ZBTB20: variants seen among roughly 807,000 people sequenced by gnomAD.
ZBTB20 encodes zinc finger and BTB domain-containing protein 20.
In ZBTB20, 9 loss-of-function variants were observed where a neutral mutation model predicts 56.9. That is an observed-to-expected ratio of 0.16 (90% CI 0.10 to 0.28). The LOEUF (loss-of-function observed/expected upper bound fraction) is 0.28, where lower values mean the gene tolerates loss of function less well. ZBTB20 is among the 10% of genes least tolerant of loss of function. The pLI, the probability that ZBTB20 is intolerant of heterozygous loss-of-function variation, is 1.00. For missense variants in ZBTB20, 655 were observed against 1,003.0 expected, an observed-to-expected ratio of 0.65 and a Z score of 4.69; for synonymous variants, 417 against 420.7, an observed-to-expected ratio of 0.99 and a Z score of 0.11.
intron 3 of ZBTB20, among the ~76,000 whole-genome samples, chr3:114,957,280 T>C (rs1330191244): frequency 1.3e-5 from 2 of 152,156 alleles, no homozygotes; most frequent in Admixed American, 6.5e-5. Context: ...GAAATTAAGA[T>C]AGTGGGCTGT....
intron 10 of ZBTB20, among the ~76,000 whole-genome samples, chr3:114,354,696 C>T (rs867667408): frequency 7.2e-5 from 11 of 151,754 alleles, no homozygotes; most frequent in African/African-American, 2.7e-4. Context: ...ATTCTTGTGC[C>T]TCAGCCTCTC....
chr3:114,342,769 T>G (rs1157044521), intron 11 of ZBTB20, among the ~76,000 whole-genome samples: 1 of 152,222 alleles, frequency 6.6e-6, no homozygotes, highest in Non-Finnish European at 1.5e-5. Context: ...CATATGGAAG[T>G]CAATCCTGAA....
intron 9 of ZBTB20, 138 bp downstream of exon 9, chr3:114,380,639 G>C: frequency 7.7e-7 from 1 of 1,297,386 alleles, no homozygotes; most frequent in Non-Finnish European, 1.0e-6. Context: ...TTTGGACTCT[G>C]TTGGCTGCAT....
intron 5 of ZBTB20, among the ~76,000 whole-genome samples, chr3:114,731,301 G>A (rs957611016): frequency 2.0e-5 from 3 of 152,032 alleles, no homozygotes; most frequent in Non-Finnish European, 4.4e-5. Flanking sequence ...CTTGTACTGG[G>A]TTGGAAAGTC....
intron 3 of ZBTB20, among the ~76,000 whole-genome samples, chr3:114,909,265 T>G (rs1325106906): frequency 6.6e-6 from 1 of 151,742 alleles, no homozygotes; most frequent in East Asian, 1.9e-4. Flanking sequence ...TAGCAAAGTT[T>G]AAAAAGTTAA....
chr3:114,711,802 G>A (rs1290534906), intron 5 of ZBTB20, among the ~76,000 whole-genome samples: 1 of 152,196 alleles, frequency 6.6e-6, no homozygotes, highest in African/African-American at 2.4e-5. Flanking sequence ...AGAGAGTAGA[G>A]CTTCAATAAA....
At chr3:114,806,641 T>C (rs1410739446) in intron 4 of ZBTB20, among the ~76,000 whole-genome samples, 3 of 151,978 alleles carry the variant, frequency 2.0e-5, no homozygotes, top group Non-Finnish European at 4.4e-5. Flanking sequence ...TGAATCAAGC[T>C]TTTGGTGTGA....
chr3:114,339,554 T>C lies in ZBTB20; in HGVS notation c.1805-128A>G. On this transcript the variant is annotated intron_variant, in intron 11 of 11. Coordinates refer to ENST00000675478, the MANE Select transcript of ZBTB20 (RefSeq NM_001348800.3). The surrounding 1 kb of genome is among the most constrained non-coding windows in gnomAD (Gnocchi z 4.2). ...CAATTAAAAAATAAAATTTGATTGC[T>C]TAATGGATCATCCTCGTTTGGAAAA... is the stretch of plus-strand genomic sequence containing the variant. The C allele has an allele frequency of 8.7e-7, 1 of 1,151,208 alleles. No individual in the cohort carries two copies. Among genetic ancestry groups the C allele is most frequent in the East Asian group, 2.6e-5 (1 of 38,714 alleles). 71.3% of individuals were successfully genotyped at this position (1,151,208 alleles called of 1,614,324 possible).
At chr3:114,667,340 A>C (rs989469734) in intron 6 of ZBTB20, among the ~76,000 whole-genome samples, 2 of 152,094 alleles carry the variant, frequency 1.3e-5, no homozygotes, top group African/African-American at 4.8e-5. Context: ...AAGTGTTATT[A>C]GACTTAAAGA....
intron 5 of ZBTB20, among the ~76,000 whole-genome samples, chr3:114,768,490 G>A (rs1226542969): frequency 6.6e-6 from 1 of 151,950 alleles, no homozygotes; most frequent in East Asian, 1.9e-4. Context: ...ATTGTGATTA[G>A]CAACTCATCA....
At chr3:114,766,169 G>T (rs981798088) in intron 5 of ZBTB20, among the ~76,000 whole-genome samples, 3 of 152,058 alleles carry the variant, frequency 2.0e-5, no homozygotes, top group Non-Finnish European at 4.4e-5. Context: ...TAAGTATGAA[G>T]AATGGAGAAA....
chr3:114,769,578 T>G (rs2069042179), intron 5 of ZBTB20, among the ~76,000 whole-genome samples: 1 of 142,038 alleles, frequency 7.0e-6, no homozygotes, highest in Non-Finnish European at 1.5e-5. Context: ...TATATATATA[T>G]ATATATATAT....
intron 3 of ZBTB20, among the ~76,000 whole-genome samples, chr3:114,947,140 T>C (rs1173296980): frequency 6.9e-6 from 1 of 145,554 alleles, no homozygotes; most frequent in Non-Finnish European, 1.5e-5. Flanking sequence ...CAGCTATTAC[T>C]TAAAAAGACC....
chr3:114,595,109 T>A (rs530617547), intron 6 of ZBTB20, among the ~76,000 whole-genome samples: 1 of 152,348 alleles, frequency 6.6e-6, no homozygotes, highest in African/African-American at 2.4e-5. Context: ...AGATGATTTC[T>A]AGTAGTTGAA....
At chr3:114,450,914 AAAGAAGGTTTTT>A in intron 7 of ZBTB20, among the ~76,000 whole-genome samples, 1 of 152,138 alleles carries the variant, frequency 6.6e-6, no homozygotes, top group East Asian at 1.9e-4. Context: ...AAATTTGATA[AAAGAAGGTTTTT>A]AAAGTATGAA....
At chr3:114,676,338 T>C (rs1253793491) in intron 6 of ZBTB20, among the ~76,000 whole-genome samples, 2 of 152,192 alleles carry the variant, frequency 1.3e-5, no homozygotes, top group African/African-American at 4.8e-5. Flanking sequence ...AGTTTCCTTC[T>C]GTATAAAGTA....
chr3:114,805,540 C>T (rs879343095), intron 4 of ZBTB20, among the ~76,000 whole-genome samples: 2 of 151,626 alleles, frequency 1.3e-5, no homozygotes, highest in Admixed American at 1.3e-4. Flanking sequence ...GGTATGTTAA[C>T]CTTGGTCGCT....
chr3:114,510,048 G>A (rs2045155910), intron 6 of ZBTB20, among the ~76,000 whole-genome samples: 1 of 152,104 alleles, frequency 6.6e-6, no homozygotes, highest in South Asian at 2.1e-4. Context: ...GAAATACCGT[G>A]AAACACAATT....
At chr3:114,569,827 C>G (rs1436384374) in intron 6 of ZBTB20, among the ~76,000 whole-genome samples, 1 of 151,482 alleles carries the variant, frequency 6.6e-6, no homozygotes, top group East Asian at 1.9e-4. Context: ...AACAGGGCAC[C>G]ATCTCTGTTG....
Sources: allele counts gnomAD v4.1 joint callset (sites outside exome capture counted in the v4.1 genomes callset), GRCh38; gene constraint gnomAD v4.1.1; non-coding constraint Gnocchi (gnomAD v3.1); transcripts MANE v1.5; gene names NCBI Gene and HGNC (gene_info 2026-07-23, HGNC 2026-07-21).